ANO1: variants seen among roughly 807,000 people sequenced by gnomAD.
The protein encoded by ANO1 is anoctamin 1.
ANO1 carries 59 observed loss-of-function variants against 124.0 expected under a neutral mutation model. The ratio of observed to expected loss-of-function variants is 0.48; its 90% CI spans 0.39 to 0.59. The LOEUF (loss-of-function observed/expected upper bound fraction) is 0.59. Ranked by LOEUF, ANO1 falls within the 20% of genes least tolerant of loss-of-function variation. The probability of loss-of-function intolerance (pLI) is 0.00; values close to 1 mark genes in which losing one functional copy is unlikely to be tolerated. For missense variants in ANO1, 1,059 were observed against 1,328.0 expected (o/e 0.80, Z 3.15); for synonymous variants, 529 against 532.0 (o/e 0.99, Z 0.08).
chr11:70,003,639 A>G (rs1463208131), intron 1 of ANO1, among the ~76,000 whole-genome samples: 1 of 151,844 alleles, frequency 6.6e-6, no homozygotes, highest in Non-Finnish European at 1.5e-5. Flanking sequence ...GGATGGATGG[A>G]TGGATGGATA....
At chr11:70,033,962 G>A (rs1260531329) in intron 1 of ANO1, among the ~76,000 whole-genome samples, 1 of 151,866 alleles carries the variant, frequency 6.6e-6, no homozygotes, top group Non-Finnish European at 1.5e-5. Context: ...CATACAAATG[G>A]CCTATGGATG....
chr11:70,145,959 A>G (rs2047361079), intron 11 of ANO1, among the ~76,000 whole-genome samples: 2 of 148,980 alleles, frequency 1.3e-5, no homozygotes, highest in African/African-American at 2.6e-5. Context: ...AAAAAAAAAA[A>G]AAAAAAGAAA....
At chr11:70,130,660 G>A (rs1246213685) in intron 10 of ANO1, among the ~76,000 whole-genome samples, 1 of 152,180 alleles carries the variant, frequency 6.6e-6, no homozygotes, top group Non-Finnish European at 1.5e-5. Context: ...TGAGTCTCAG[G>A]CATCATGAAG....
At chr11:70,169,231 G>A (rs1003232457) in intron 21 of ANO1, among the ~76,000 whole-genome samples, 1 of 152,122 alleles carries the variant, frequency 6.6e-6, no homozygotes, top group Non-Finnish European at 1.5e-5. Context: ...TGACGGGTTT[G>A]GACAAAGGGG....
chr11:70,188,034 G>T lies in ANO1; in HGVS notation c.*30G>T. On this transcript the variant is annotated 3_prime_UTR_variant, in exon 26 of 26. Transcript: ENST00000355303. Reference sequence around the variant, plus strand: ...GCCAGCGGGGCTGGGCAGGCCAGCCGGGCATCCTGACCGATGGGCACCCTC... The same window carrying T: ...GCCAGCGGGGCTGGGCAGGCCAGCCTGGCATCCTGACCGATGGGCACCCTC... 6.5e-7 allele frequency: 1 copy of T among 1,540,164 alleles called. No homozygotes were observed. The highest frequency in any genetic ancestry group is 1.2e-5 in the South Asian group (1 of 83,676).
chr11:70,070,917 C>T (rs780625056), intron 1 of ANO1, among the ~76,000 whole-genome samples: 4 of 152,160 alleles, frequency 2.6e-5, no homozygotes, highest in Middle Eastern at 6.3e-3. Flanking sequence ...AGGGCATCTG[C>T]GTTAGTCCCC....
At chr11:70,045,038 T>C (rs551503977) in intron 1 of ANO1, among the ~76,000 whole-genome samples, 2 of 152,270 alleles carry the variant, frequency 1.3e-5, no homozygotes, top group East Asian at 3.9e-4. Flanking sequence ...TGCATAGATA[T>C]ATACAAATAT....
chr11:70,110,837 A>G (rs2045748228), intron 6 of ANO1, among the ~76,000 whole-genome samples: 1 of 151,892 alleles, frequency 6.6e-6, no homozygotes, highest in South Asian at 2.1e-4. Context: ...TTTCCAGGAA[A>G]CCCTTCCCCA....
intron 16 of ANO1, among the ~76,000 whole-genome samples, chr11:70,160,240 G>A (rs747141514): frequency 5.3e-5 from 8 of 152,062 alleles, no homozygotes; most frequent in Non-Finnish European, 1.0e-4. Context: ...TGTGTCCTGC[G>A]GGTGGTTTCA....
chr11:70,185,432 C>T (rs1450173100), intron 24 of ANO1, among the ~76,000 whole-genome samples, 158 bp from the exon 25 acceptor site: 3 of 152,118 alleles, frequency 2.0e-5, no homozygotes, highest in Non-Finnish European at 2.9e-5. Context: ...TCCGTGGGTG[C>T]GGGGCCATGG....
upstream of ANO1, among the ~76,000 whole-genome samples, chr11:70,077,316 G>C (rs192308034): frequency 1.3e-5 from 2 of 152,306 alleles, no homozygotes; most frequent in African/African-American, 4.8e-5. Context: ...GGTGGGAAGG[G>C]GACAGTAGGG....
At chr11:70,008,331 T>C (rs34174364) in intron 1 of ANO1, among the ~76,000 whole-genome samples, 36,105 of 152,198 alleles carry the variant, frequency 0.24, 4,435 homozygotes, top group South Asian at 0.29. Context: ...AGTCATGTCA[T>C]AAGTTTCTGC....
rs372106909 is a variant in ANO1, at chr11:70,106,812, A to G, written c.747+1024A>G. Among the ~76,000 whole-genome samples, 11 of 152,186 alleles carry G rather than the reference A, an allele frequency of 7.2e-5. No homozygotes were observed. The East Asian group carries it at 1.5e-3, about 21-fold the overall frequency. ...CCACTCCTCTCCTCCACACCATTCA[A>G]TCTGTCCTGGCATTGGGGTGGTCCA... On this transcript the variant is annotated intron_variant, in intron 5 of 25. Coordinates refer to ENST00000355303, the MANE Select transcript of ANO1 (RefSeq NM_018043.7).
chr11:70,150,317 A>C (rs1031302432), intron 12 of ANO1, among the ~76,000 whole-genome samples: 1 of 152,156 alleles, frequency 6.6e-6, no homozygotes, highest in Non-Finnish European at 1.5e-5. Flanking sequence ...GGGCATCTTC[A>C]TACTCCAGAG....
At chr11:70,066,197 T>C (rs1555008559) in intron 1 of ANO1, among the ~76,000 whole-genome samples, 1 of 152,206 alleles carries the variant, frequency 6.6e-6, no homozygotes, top group East Asian at 1.9e-4. Flanking sequence ...TGGAGGTCAC[T>C]GGAGCAGATG....
At chr11:70,055,010 T>G (rs1857411559) in intron 1 of ANO1, among the ~76,000 whole-genome samples, 2 of 152,222 alleles carry the variant, frequency 1.3e-5, no homozygotes, top group South Asian at 4.1e-4. Flanking sequence ...TTAATTTTGT[T>G]TTATAGATAA....
intron 21 of ANO1, 77 bp downstream of exon 21, chr11:70,167,464 G>C: frequency 1.3e-6 from 2 of 1,518,824 alleles, no homozygotes; most frequent in Non-Finnish European, 1.8e-6. Context: ...GGGAAGGGCT[G>C]CAGGGGCATG....
intron 1 of ANO1, among the ~76,000 whole-genome samples, chr11:70,010,459 C>T (rs1856582238): frequency 6.6e-6 from 1 of 151,742 alleles, no homozygotes; most frequent in Non-Finnish European, 1.5e-5. Flanking sequence ...GAGGAATCCA[C>T]TCCTGTGACC....
intron 11 of ANO1, among the ~76,000 whole-genome samples, chr11:70,145,811 C>T (rs1034657299): frequency 6.6e-6 from 1 of 152,122 alleles, no homozygotes; most frequent in African/African-American, 2.4e-5. Flanking sequence ...GTGGCATGCA[C>T]CTGTAGTCCC....
Sources: allele counts gnomAD v4.1 joint callset (sites outside exome capture counted in the v4.1 genomes callset), GRCh38; gene constraint gnomAD v4.1.1; transcripts MANE v1.5; gene names NCBI Gene and HGNC (gene_info 2026-07-23, HGNC 2026-07-21).